The following NEK7 variants were observed in gnomAD, a reference collection of about 807,000 sequenced individuals.
NEK7 encodes NIMA related kinase 7.
NEK7 carries 18 observed loss-of-function variants against 44.6 expected under a neutral mutation model. That is an observed-to-expected ratio of 0.40 (90% CI 0.28 to 0.60). The LOEUF (loss-of-function observed/expected upper bound fraction) is 0.60, where lower values mean the gene tolerates loss of function less well. Ranked by LOEUF, NEK7 falls within the 20% of genes least tolerant of loss-of-function variation. NEK7 has a pLI of 0.38. For synonymous variants in NEK7, 130 were observed against 121.1 expected (o/e 1.07, Z -0.48); for missense variants, 256 against 366.5 (o/e 0.70, Z 2.46).
At chr1:198,184,055 G>C (rs1259303193) in intron 1 of NEK7, among the ~76,000 whole-genome samples, 1 of 152,190 alleles carries the variant, frequency 6.6e-6, no homozygotes, top group Non-Finnish European at 1.5e-5. Flanking sequence ...CTTAACAACA[G>C]CTTTCTTTAA....
At chr1:198,309,531 T>C (rs1052996180) in intron 9 of NEK7, among the ~76,000 whole-genome samples, 8 of 152,182 alleles carry the variant, frequency 5.3e-5, no homozygotes, top group Non-Finnish European at 1.0e-4. Context: ...TGTGCCATGC[T>C]GCTGCGCTGC....
chr1:198,282,342 G>A (rs902607173), intron 7 of NEK7, among the ~76,000 whole-genome samples: 8 of 151,982 alleles, frequency 5.3e-5, no homozygotes, highest in Admixed American at 1.3e-4. Context: ...GGCATTCAGC[G>A]CCCTTTACAG....
chr1:198,177,584 T>A (rs918631445), intron 1 of NEK7, among the ~76,000 whole-genome samples: 4 of 152,132 alleles, frequency 2.6e-5, no homozygotes, highest in African/African-American at 7.2e-5. Context: ...ATGCTTTTTT[T>A]AAATGTAGAA....
intron 2 of NEK7, among the ~76,000 whole-genome samples, chr1:198,234,179 A>G (rs997498023): frequency 5.9e-5 from 9 of 152,106 alleles, no homozygotes; most frequent in African/African-American, 1.9e-4. Context: ...CAGGGACTCA[A>G]TGAAATGAGT....
chr1:198,184,798 A>G (rs2102752351), intron 1 of NEK7, among the ~76,000 whole-genome samples: 1 of 152,238 alleles, frequency 6.6e-6, no homozygotes, highest in Non-Finnish European at 1.5e-5. Context: ...CCTCCCAAGT[A>G]GCTGGGACCA....
rs796348805 is a variant in NEK7 at position 198,291,371 on chromosome 1, A to G, written c.590-1574A>G. 3.3e-5 allele frequency among the ~76,000 whole-genome samples: 5 copies of G among 152,284 alleles called. No individual in the cohort carries two copies. In the East Asian group the frequency reaches 9.6e-4, roughly 29 times the overall value. On this transcript the variant is annotated intron_variant, in intron 7 of 9. Transcript: ENST00000367385. ...GTGAATATTTCCAATAATTGGTGTC[A>G]CTTATGCAAACTACAGGTGAAAGTA... is the stretch of plus-strand genomic sequence containing the variant.
chr1:198,275,653 C>G (rs1571596584), intron 5 of NEK7, among the ~76,000 whole-genome samples: 1 of 151,186 alleles, frequency 6.6e-6, no homozygotes, highest in East Asian at 1.9e-4. Context: ...ATTGTCCTTT[C>G]TTTTTTTAAA....
intron 2 of NEK7, among the ~76,000 whole-genome samples, chr1:198,246,018 TC>T (rs1182635178): frequency 6.6e-6 from 1 of 152,192 alleles, no homozygotes; most frequent in Non-Finnish European, 1.5e-5. Flanking sequence ...TAAAAATAGT[TC>T]TTTACTTGAG....
chr1:198,233,068 G>C (rs1666445718), intron 2 of NEK7, among the ~76,000 whole-genome samples: 1 of 150,392 alleles, frequency 6.6e-6, no homozygotes, highest in Non-Finnish European at 1.5e-5. Flanking sequence ...CTGAGCGTTA[G>C]TATTAGGTTT....
At chr1:198,298,552 A>C (rs547189419) in intron 9 of NEK7, among the ~76,000 whole-genome samples, 1 of 152,320 alleles carries the variant, frequency 6.6e-6, no homozygotes, top group South Asian at 2.1e-4. Context: ...ATTTTTAATT[A>C]CTATTTTGGG....
chr1:198,279,195 G>A lies in NEK7; in HGVS notation c.589+134G>A, dbSNP rs1571599461. On this transcript the variant is annotated intron_variant, in intron 7 of 9. Coordinates refer to ENST00000367385, the MANE Select transcript of NEK7 (RefSeq NM_133494.3). ...AAAAATCACCAGGTCCTGAACAGAT[G>A]CCTGCAACTCTCTATTAGGTATAAG... 7.8e-6 allele frequency: 4 copies of A among 513,450 alleles called. No homozygotes were observed. In the East Asian group the frequency reaches 1.5e-4, roughly 19 times the overall value. 31.8% of individuals were successfully genotyped at this position (513,450 alleles called of 1,614,324 possible).
At chr1:198,242,301 T>TCTG (rs1666705818) in intron 2 of NEK7, among the ~76,000 whole-genome samples, 3 of 152,156 alleles carry the variant, frequency 2.0e-5, no homozygotes, top group Middle Eastern at 3.2e-3. Context: ...GAACACAGTA[T>TCTG]GGTGCTACCT....
At chr1:198,270,841 T>TG (rs1653813611) in intron 5 of NEK7, among the ~76,000 whole-genome samples, 1 of 152,102 alleles carries the variant, frequency 6.6e-6, no homozygotes, top group Admixed American at 6.6e-5. Context: ...TCTAGATTCC[T>TG]GTGGGTCAGG....
chr1:198,177,577 C>G (rs1294596582), intron 1 of NEK7, among the ~76,000 whole-genome samples: 1 of 151,946 alleles, frequency 6.6e-6, no homozygotes, highest in Non-Finnish European at 1.5e-5. Context: ...CATTGAAATG[C>G]TTTTTTTAAA....
intron 1 of NEK7, among the ~76,000 whole-genome samples, chr1:198,162,571 CACTT>C (rs968433731): frequency 3.9e-5 from 6 of 152,066 alleles, no homozygotes; most frequent in African/African-American, 7.2e-5. Flanking sequence ...AGTTTCATTT[CACTT>C]ACTTCTCTAT....
intron 1 of NEK7, chr1:198,206,818 A>C (rs1665612674): frequency 6.6e-6 from 1 of 152,152 alleles, no homozygotes. Flanking sequence ...ATTTTTCAGT[A>C]TTCCATTCCT....
At chr1:198,273,693 T>A (rs1216677614) in intron 5 of NEK7, among the ~76,000 whole-genome samples, 1 of 151,804 alleles carries the variant, frequency 6.6e-6, no homozygotes, top group Non-Finnish European at 1.5e-5. Context: ...TTTTATAGTA[T>A]TAAATGGACC....
At chr1:198,258,352 T>G (rs183148391) in intron 3 of NEK7, among the ~76,000 whole-genome samples, 2 of 152,094 alleles carry the variant, frequency 1.3e-5, no homozygotes, top group Non-Finnish European at 2.9e-5. Flanking sequence ...GGCAGGAGAA[T>G]CGCTTGAACC....
At chr1:198,205,988 G>T (rs184321769) in intron 1 of NEK7, among the ~76,000 whole-genome samples, 256 of 152,254 alleles carry the variant, frequency 1.7e-3, no homozygotes, top group Middle Eastern at 6.8e-3. Context: ...TAAGGATTTA[G>T]TAAGGATGAT....
Sources: gnomAD v4.1 joint callset for allele counts (sites outside exome capture counted in the v4.1 genomes callset) on GRCh38, gnomAD v4.1.1 for gene constraint, MANE v1.5 for transcripts, NCBI Gene and HGNC (gene_info 2026-07-23, HGNC 2026-07-21) for gene names.